LDLRAD3: variants seen among roughly 807,000 people sequenced by gnomAD.
The protein encoded by LDLRAD3 is low density lipoprotein receptor class A domain containing 3, also known as low-density lipoprotein receptor class A domain-containing protein 3.
In LDLRAD3, 20 loss-of-function variants were observed where a neutral mutation model predicts 29.4. The observed-to-expected ratio is 0.68, with a 90% confidence interval of 0.48 to 0.99. The LOEUF is 0.99. LDLRAD3 is among the 50% of genes least tolerant of loss of function. LDLRAD3 has a pLI of 0.00. For synonymous variants in LDLRAD3, 157 were observed against 192.7 expected (o/e 0.81, Z 1.53); for missense variants, 420 against 454.3 (o/e 0.92, Z 0.69).
chr11:36,140,658 C>T (rs887029115), intron 4 of LDLRAD3, among the ~76,000 whole-genome samples: 2 of 152,008 alleles, frequency 1.3e-5, no homozygotes, highest in African/African-American at 4.8e-5. Context: ...TGGGATCGAG[C>T]GATCTGCCCA....
rs1018754751 is a variant in LDLRAD3 at position 36,099,802 on chromosome 11, C to T, written c.454+1341C>T. Among the ~76,000 whole-genome samples the T allele has an allele frequency of 2.6e-5, 4 of 152,078 alleles. No individual in the cohort carries two copies. The East Asian group carries it at 7.7e-4, about 29-fold the overall frequency. The stretch of plus-strand genomic sequence containing the variant: ...ATTATGGTCAATCTAAATCTATATG[C>T]CTGAGGTCCATAGGAAAGAAAAGAC... On this transcript the variant is annotated intron_variant, in intron 4 of 5. Transcript: ENST00000315571.
At chr11:35,962,374 C>T (rs938285742) in intron 1 of LDLRAD3, among the ~76,000 whole-genome samples, 2 of 152,108 alleles carry the variant, frequency 1.3e-5, no homozygotes, top group Non-Finnish European at 2.9e-5. Context: ...TCAAACGGCT[C>T]ATCTCAGTCT....
At chr11:36,224,720 G>A (rs946237728) in intron 4 of LDLRAD3, among the ~76,000 whole-genome samples, 8 of 152,280 alleles carry the variant, frequency 5.3e-5, no homozygotes, top group African/African-American at 1.9e-4. Context: ...ACACAGAGCC[G>A]GACCTTGAAG....
At chr11:36,045,947 A>G (rs1001057827) in intron 2 of LDLRAD3, among the ~76,000 whole-genome samples, 1 of 151,934 alleles carries the variant, frequency 6.6e-6, no homozygotes, top group Non-Finnish European at 1.5e-5. Context: ...TATTTGTCCT[A>G]ATGCTCTCCC....
chr11:36,173,892 A>G (rs1256889979), intron 4 of LDLRAD3, among the ~76,000 whole-genome samples: 1 of 152,150 alleles, frequency 6.6e-6, no homozygotes, highest in Non-Finnish European at 1.5e-5. Flanking sequence ...CTAAAAAAGA[A>G]CCTGCATTGC....
chr11:36,051,392 C>T (rs1001467325), intron 2 of LDLRAD3, among the ~76,000 whole-genome samples: 5 of 152,178 alleles, frequency 3.3e-5, no homozygotes, highest in African/African-American at 4.8e-5. Context: ...CTACCTCTAC[C>T]TAGCTGTGTG....
intron 4 of LDLRAD3, among the ~76,000 whole-genome samples, chr11:36,143,092 CG>C (rs1429982780): frequency 2.0e-5 from 3 of 152,174 alleles, no homozygotes; most frequent in African/African-American, 4.8e-5. Flanking sequence ...ACCAGTGAGG[CG>C]GGTGGGGTTA....
rs903014592 is a variant in LDLRAD3, at chr11:36,141,529, T to C, written c.454+43068T>C. On this transcript the variant is annotated intron_variant, in intron 4 of 5. Coordinates refer to ENST00000315571, the MANE Select transcript of LDLRAD3 (RefSeq NM_174902.4). ...TCCTGAGGTCTGGGGTTTGATCTTG[T>C]AGTGCATCTGATCAACTTTAGTACA... 1.1e-4 allele frequency among the ~76,000 whole-genome samples: 16 copies of C among 152,106 alleles called. No homozygotes were observed. The East Asian group carries it at 3.1e-3, about 29-fold the overall frequency.
At chr11:36,144,790 G>A (rs1206348836) in intron 4 of LDLRAD3, among the ~76,000 whole-genome samples, 12 of 116,806 alleles carry the variant, frequency 1.0e-4, no homozygotes, top group South Asian at 2.9e-4. Flanking sequence ...CAGCCGCCCC[G>A]TCCGGGAGGG....
At chr11:36,019,849 A>C (rs1852071697) in intron 1 of LDLRAD3, among the ~76,000 whole-genome samples, 1 of 152,258 alleles carries the variant, frequency 6.6e-6, no homozygotes, top group African/African-American at 2.4e-5. Flanking sequence ...CGTGACTGAG[A>C]GGCGGTCTGC....
intron 4 of LDLRAD3, among the ~76,000 whole-genome samples, chr11:36,120,340 A>G (rs1314925729): frequency 1.3e-5 from 2 of 152,054 alleles, no homozygotes; most frequent in Non-Finnish European, 2.9e-5. Context: ...ACCAGTGCCA[A>G]TCTCCTTCAC....
chr11:35,990,587 T>A (rs1851675712), intron 1 of LDLRAD3, among the ~76,000 whole-genome samples: 1 of 151,944 alleles, frequency 6.6e-6, no homozygotes, highest in Admixed American at 6.5e-5. Context: ...TTTTGTATTT[T>A]TTTTTTTTAG....
Position 36,016,419 on chromosome 11 carries a change from C to T in LDLRAD3, c.47-19684C>T, listed in dbSNP as rs574170641. The stretch of plus-strand genomic sequence containing the variant: ...TACTTCTCTTGTGCTTTAAGGAATG[C>T]TTCATGAAAATATTTTGTAATTTGG... On this transcript the variant is annotated intron_variant, in intron 1 of 5. Transcript: ENST00000315571. 3.9e-4 allele frequency among the ~76,000 whole-genome samples: 59 copies of T among 152,280 alleles called. No individual in the cohort carries two copies. In the South Asian group the frequency reaches 0.012, roughly 30 times the overall value.
intron 3 of LDLRAD3, among the ~76,000 whole-genome samples, chr11:36,088,905 TATGAAAA>T (rs1394574814): frequency 1.3e-5 from 2 of 152,152 alleles, no homozygotes; most frequent in East Asian, 3.9e-4. Context: ...ATGACCACTC[TATGAAAA>T]ATGACCCCTC....
At chr11:36,044,053 T>C (rs72942716) in intron 2 of LDLRAD3, among the ~76,000 whole-genome samples, 14 of 152,302 alleles carry the variant, frequency 9.2e-5, no homozygotes, top group Non-Finnish European at 1.3e-4. Context: ...TAAATTTCTT[T>C]AGTCTTAAAT....
At chr11:36,061,218 A>C (rs1485686945) in intron 2 of LDLRAD3, among the ~76,000 whole-genome samples, 1 of 152,130 alleles carries the variant, frequency 6.6e-6, no homozygotes. Context: ...GGCTCACTGC[A>C]ACCTCCGCCT....
At chr11:36,121,302 C>T (rs530472295) in intron 4 of LDLRAD3, among the ~76,000 whole-genome samples, 7 of 151,876 alleles carry the variant, frequency 4.6e-5, no homozygotes, top group South Asian at 2.1e-4. Flanking sequence ...AGAAGACACC[C>T]GGGGGAGAGG....
rs1853751263 is a variant in LDLRAD3, at chr11:36,121,224, A to G, written c.454+22763A>G. On this transcript the variant is annotated intron_variant, in intron 4 of 5. Transcript: ENST00000315571. ...GGCCAAGGGAAGGGAGGATTGATTT[A>G]TGGGAGAAAATTAGGGGAATGAAAT... is the stretch of plus-strand genomic sequence containing the variant. Among the ~76,000 whole-genome samples, 6 of 152,192 alleles carry G rather than the reference A, an allele frequency of 3.9e-5. 1 individual carries two copies. The South Asian group carries it at 1.2e-3, about 32-fold the overall frequency.
chr11:35,958,221 C>A (rs566839622), intron 1 of LDLRAD3, among the ~76,000 whole-genome samples: 1 of 152,214 alleles, frequency 6.6e-6, no homozygotes, highest in African/African-American at 2.4e-5. Context: ...CTCAGTCACA[C>A]CCAGCCTATT....
Sources: allele counts gnomAD v4.1 joint callset (sites outside exome capture counted in the v4.1 genomes callset), GRCh38; gene constraint gnomAD v4.1.1; transcripts MANE v1.5; gene names NCBI Gene and HGNC (gene_info 2026-07-23, HGNC 2026-07-21).